Variants in SLCO2A1 observed in about 807,000 individuals in gnomAD.
SLCO2A1 encodes the protein solute carrier organic anion transporter family member 2A1, also known as matrin F/G 1.
SLCO2A1 carries 60 observed loss-of-function variants against 71.7 expected under a neutral mutation model. The ratio of observed to expected loss-of-function variants is 0.84; its 90% CI spans 0.68 to 1.04. The LOEUF (loss-of-function observed/expected upper bound fraction) is 1.04. Among genes scored for constraint, SLCO2A1 ranks in the 50% least tolerant of loss-of-function variants. The pLI, the probability that SLCO2A1 is intolerant of heterozygous loss-of-function variation, is 0.00. For synonymous variants in SLCO2A1, 308 were observed against 326.7 expected (o/e 0.94, Z 0.62); for missense variants, 745 against 813.4 (o/e 0.92, Z 1.02).
At chr3:133,953,604 G>T in intron 5 of SLCO2A1, 59 bp downstream of exon 5, 2 of 1,338,162 alleles carry the variant, frequency 1.5e-6, no homozygotes, top group Non-Finnish European at 1.1e-6. Context: ...TGGATGAGGG[G>T]GCTGGGGGCT....
intron 1 of SLCO2A1, among the ~76,000 whole-genome samples, chr3:134,014,544 A>G (rs1177230959): frequency 1.3e-5 from 2 of 152,204 alleles, no homozygotes; most frequent in African/African-American, 4.8e-5. Flanking sequence ...CTCAAAGACA[A>G]TGCGGGTGCT....
At chr3:133,962,175 G>A (rs1202393413) in intron 3 of SLCO2A1, among the ~76,000 whole-genome samples, 1 of 152,150 alleles carries the variant, frequency 6.6e-6, no homozygotes, top group Non-Finnish European at 1.5e-5. Flanking sequence ...TGCCTCCCGG[G>A]TTTAAGCGAT....
In SLCO2A1 at chr3:133,973,790, G is replaced by C. The variant is rs1381150705; in HGVS notation, c.270C>G (p.Tyr90Ter). ...GTGGACGGTGCACCCGGCTGCCAAAGTAGCTGACAAAGATGATGAGGATGG... is the reference window on the plus strand; with the variant it reads ...GTGGACGGTGCACCCGGCTGCCAAACTAGCTGACAAAGATGATGAGGATGG... ...SNAILIIFVS[Y>*]FGSRVHRPRL... Residue 90 changes from tyrosine to a stop codon, truncating the protein, a stop_gained, in exon 3 of 14, where the codon TAC becomes TAG. Transcript: ENST00000310926. LOFTEE classifies it high-confidence loss of function. 2 of 1,613,856 alleles carry C rather than the reference G, an allele frequency of 1.2e-6. No homozygotes were observed. Among genetic ancestry groups the C allele is most frequent in the Non-Finnish European group, 1.7e-6 (2 of 1,179,998 alleles).
At chr3:133,992,508 C>T (rs1934876545) in intron 1 of SLCO2A1, among the ~76,000 whole-genome samples, 1 of 152,228 alleles carries the variant, frequency 6.6e-6, no homozygotes, top group African/African-American at 2.4e-5. Flanking sequence ...GAGGGCCCCA[C>T]CCTCAAGCCT....
intron 10 of SLCO2A1, among the ~76,000 whole-genome samples, chr3:133,944,409 G>A (rs1257788919): frequency 6.6e-6 from 1 of 152,240 alleles, no homozygotes. Context: ...AATGACTCAA[G>A]TCAGTTTGCT....
At chr3:133,964,155 T>C (rs1934111736) in intron 3 of SLCO2A1, among the ~76,000 whole-genome samples, 1 of 152,150 alleles carries the variant, frequency 6.6e-6, no homozygotes, top group African/African-American at 2.4e-5. Flanking sequence ...AAAAAATGAG[T>C]TGACGTTGAC....
In SLCO2A1 at chr3:134,009,986, G is replaced by A. The variant is rs150306382; in HGVS notation, c.96+19721C>T. On this transcript the variant is annotated intron_variant, in intron 1 of 13. Transcript: ENST00000310926. ...GCAATGCATACCTCACAGTATGGCAGGGAGGGTTTGGTCAGTGTTTCTGAA... is the reference window on the plus strand; with the variant it reads ...GCAATGCATACCTCACAGTATGGCAAGGAGGGTTTGGTCAGTGTTTCTGAA... Among the ~76,000 whole-genome samples the A allele has an allele frequency of 2.4e-3, 359 of 152,302 alleles. 1 individual carries two copies. The highest frequency in any genetic ancestry group is 8.0e-3 in the African/African-American group (333 of 41,562).
intron 1 of SLCO2A1, among the ~76,000 whole-genome samples, chr3:133,986,846 C>T (rs1934725305): frequency 6.6e-6 from 1 of 152,180 alleles, no homozygotes; most frequent in Non-Finnish European, 1.5e-5. Context: ...CATCAAAGAA[C>T]AGTCTAGACA....
At chr3:133,943,324 T>C (rs1933483352) in intron 10 of SLCO2A1, among the ~76,000 whole-genome samples, 1 of 152,194 alleles carries the variant, frequency 6.6e-6, no homozygotes, top group Non-Finnish European at 1.5e-5. Context: ...TATGGCTCAA[T>C]ACTGTTGTCC....
intron 9 of SLCO2A1, 70 bp downstream of exon 9, chr3:133,947,186 A>G (rs978904115): frequency 7.7e-7 from 1 of 1,307,032 alleles, no homozygotes; most frequent in African/African-American, 1.5e-5. Flanking sequence ...GCAGGAAGGA[A>G]GATGTATAAC....
At chr3:133,944,695 TC>T (rs1264534793) in intron 10 of SLCO2A1, among the ~76,000 whole-genome samples, 1 of 152,172 alleles carries the variant, frequency 6.6e-6, no homozygotes, top group East Asian at 1.9e-4. Flanking sequence ...CCCTTCCAGG[TC>T]CATGTCACAG....
intron 11 of SLCO2A1, among the ~76,000 whole-genome samples, chr3:133,940,834 G>A (rs2108037991): frequency 6.6e-6 from 1 of 152,280 alleles, no homozygotes; most frequent in South Asian, 2.1e-4. Flanking sequence ...CTGTTTTCCT[G>A]TGCCGTTTCT....
In SLCO2A1 at chr3:133,934,410, A is replaced by G. The variant is rs1933214209; in HGVS notation, c.*303T>C. Reference sequence around the variant, plus strand: ...GGCTGGTGAGGGGCCTGGCTGCCTCAGTGGGCATCCTCAATGGAGGACTCA... The same window carrying G: ...GGCTGGTGAGGGGCCTGGCTGCCTCGGTGGGCATCCTCAATGGAGGACTCA... On this transcript the variant is annotated 3_prime_UTR_variant, in exon 14 of 14. Transcript: ENST00000310926. The G allele has an allele frequency of 4.5e-6, 1 of 223,234 alleles. No individual in the cohort carries two copies. Among genetic ancestry groups the G allele is most frequent in the African/African-American group, 2.3e-5 (1 of 43,920 alleles). 13.8% of individuals were successfully genotyped at this position (223,234 alleles called of 1,614,324 possible). A position where few individuals can be genotyped will look rare whatever the true frequency, so the allele number is the denominator to read the frequency against.
At chr3:133,937,314 C>T (rs576786699) in intron 12 of SLCO2A1, among the ~76,000 whole-genome samples, 118 of 152,300 alleles carry the variant, frequency 7.7e-4, no homozygotes, top group Middle Eastern at 6.8e-3. Context: ...TAGATCCTGC[C>T]GCCCTGCTTC....
chr3:134,003,170 A>C (rs993437730), intron 1 of SLCO2A1, among the ~76,000 whole-genome samples: 5 of 152,230 alleles, frequency 3.3e-5, no homozygotes, highest in African/African-American at 1.2e-4. Context: ...TGTAGGTTTC[A>C]AGACTCCTGA....
At chr3:134,010,057 T>C (rs2108074073) in intron 1 of SLCO2A1, among the ~76,000 whole-genome samples, 1 of 152,330 alleles carries the variant, frequency 6.6e-6, no homozygotes, top group African/African-American at 2.4e-5. Context: ...TGGTACATAA[T>C]GGGTGCTCCC....
rs150735484 is a variant in SLCO2A1, at chr3:134,002,755, C to T, written c.97-23137G>A. ...GTGATGATAACACTGCTACTCCAGG[C>T]ACCGTACTTTAAGAACAACCACCTT... On this transcript the variant is annotated intron_variant, in intron 1 of 13. Transcript: ENST00000310926. Among the ~76,000 whole-genome samples, 14 of 152,312 alleles carry T rather than the reference C, an allele frequency of 9.2e-5. No individual in the cohort carries two copies. In the East Asian group the frequency reaches 2.5e-3, roughly 27 times the overall value.
At chr3:134,017,680 G>A (rs1025586878) in intron 1 of SLCO2A1, among the ~76,000 whole-genome samples, 6 of 152,178 alleles carry the variant, frequency 3.9e-5, no homozygotes, top group South Asian at 2.1e-4. Context: ...GGCCAGCGCC[G>A]CCACAGGCAG....
At chr3:134,005,830 T>C (rs1324586166) in intron 1 of SLCO2A1, among the ~76,000 whole-genome samples, 2 of 152,152 alleles carry the variant, frequency 1.3e-5, no homozygotes, top group Admixed American at 1.3e-4. Flanking sequence ...CCTGATTATA[T>C]TTATATTGTG....
Sources: allele counts gnomAD v4.1 joint callset (sites outside exome capture counted in the v4.1 genomes callset), GRCh38; gene constraint gnomAD v4.1.1; transcripts MANE v1.5; gene names NCBI Gene and HGNC (gene_info 2026-07-23, HGNC 2026-07-21).